GPC6: variants seen among roughly 807,000 people sequenced by gnomAD.
GPC6 encodes the protein glypican-6.
In GPC6, 14 loss-of-function variants were observed where a neutral mutation model predicts 55.2. The ratio of observed to expected loss-of-function variants is 0.25; its 90% CI spans 0.17 to 0.40. The LOEUF is 0.40. GPC6 is among the 10% of genes least tolerant of loss of function. The pLI is 1.00. For missense variants in GPC6, 641 were observed against 708.5 expected (o/e 0.90, Z 1.08); for synonymous variants, 278 against 259.6 (o/e 1.07, Z -0.68).
At chr13:93,784,560 G>A (rs1050032713) in intron 2 of GPC6, among the ~76,000 whole-genome samples, 1 of 152,176 alleles carries the variant, frequency 6.6e-6, no homozygotes, top group Non-Finnish European at 1.5e-5. Context: ...CTCAGATGCA[G>A]AAGTACATTT....
At chr13:94,255,427 A>G (rs770611470) in intron 4 of GPC6, among the ~76,000 whole-genome samples, 10 of 152,176 alleles carry the variant, frequency 6.6e-5, no homozygotes, top group Non-Finnish European at 1.3e-4. Context: ...TCAAAATTTT[A>G]CCACTATAGA....
At chr13:93,389,174 A>G (rs1432972936) in intron 1 of GPC6, among the ~76,000 whole-genome samples, 1 of 152,086 alleles carries the variant, frequency 6.6e-6, no homozygotes, top group Admixed American at 6.6e-5. Context: ...TAGAAATACT[A>G]ATTACTGCTA....
intron 1 of GPC6, among the ~76,000 whole-genome samples, chr13:93,460,860 T>G (rs1594185875): frequency 6.6e-6 from 1 of 152,186 alleles, no homozygotes; most frequent in Non-Finnish European, 1.5e-5. Flanking sequence ...AGTAACAAGG[T>G]TTTAAAAATA....
chr13:94,246,108 A>T (rs1165111993), intron 4 of GPC6, among the ~76,000 whole-genome samples: 1 of 151,962 alleles, frequency 6.6e-6, no homozygotes, highest in Non-Finnish European at 1.5e-5. Context: ...TTTCCTGATG[A>T]TTAGGGATCT....
intron 4 of GPC6, among the ~76,000 whole-genome samples, chr13:94,176,768 A>G (rs1168192627): frequency 1.3e-5 from 2 of 152,216 alleles, no homozygotes; most frequent in Non-Finnish European, 2.9e-5. Context: ...CAAAAAAGAA[A>G]TAAATGTTTC....
At chr13:93,594,937 C>T (rs1444356541) in intron 2 of GPC6, among the ~76,000 whole-genome samples, 4 of 151,924 alleles carry the variant, frequency 2.6e-5, no homozygotes, top group Admixed American at 6.6e-5. Flanking sequence ...AATACCATCA[C>T]ATTGGTGATT....
chr13:93,788,708 T>C (rs1247191408), intron 2 of GPC6, among the ~76,000 whole-genome samples: 2 of 152,070 alleles, frequency 1.3e-5, no homozygotes, highest in Non-Finnish European at 2.9e-5. Context: ...ACAGAGAGGC[T>C]GAGGGCATGG....
intron 4 of GPC6, among the ~76,000 whole-genome samples, chr13:94,231,924 A>AAAAAAG (rs1384199308): frequency 6.6e-6 from 1 of 152,184 alleles, no homozygotes; most frequent in Non-Finnish European, 1.5e-5. Flanking sequence ...TATTCTGATC[A>AAAAAAG]AAAAAGAAAA....
chr13:94,051,716 C>T (rs981819669), intron 4 of GPC6, among the ~76,000 whole-genome samples: 1 of 152,012 alleles, frequency 6.6e-6, no homozygotes, highest in South Asian at 2.1e-4. Context: ...AAAAGGATAA[C>T]AATCTTGCAC....
chr13:93,496,622 A>G (rs1880301166), intron 1 of GPC6, among the ~76,000 whole-genome samples: 1 of 152,218 alleles, frequency 6.6e-6, no homozygotes. Flanking sequence ...TGCTTTATAG[A>G]GACAGACAAC....
intron 4 of GPC6, among the ~76,000 whole-genome samples, chr13:94,090,034 C>T (rs1885424805): frequency 6.6e-6 from 1 of 151,508 alleles, no homozygotes; most frequent in African/African-American, 2.4e-5. Context: ...TGTGTTAGTC[C>T]ATTTTCATAC....
intron 3 of GPC6, among the ~76,000 whole-genome samples, chr13:93,959,971 T>G (rs918233114): frequency 6.6e-6 from 1 of 152,200 alleles, no homozygotes; most frequent in African/African-American, 2.4e-5. Context: ...AGTTGTTGCC[T>G]TTCTTATTTT....
intron 3 of GPC6, among the ~76,000 whole-genome samples, chr13:93,958,613 C>T (rs1236572654): frequency 6.6e-6 from 1 of 152,038 alleles, no homozygotes. Flanking sequence ...TAGTATAGTT[C>T]AAAGTTGAAT....
intron 1 of GPC6, among the ~76,000 whole-genome samples, chr13:93,276,493 A>AGT (rs775217548): frequency 8.0e-3 from 742 of 92,896 alleles, no homozygotes; most frequent in East Asian, 0.027. Flanking sequence ...AGAGAGAGAG[A>AGT]GAGTGTGTGT....
intron 6 of GPC6, among the ~76,000 whole-genome samples, chr13:94,360,603 T>C (rs1296557773): frequency 1.3e-5 from 2 of 151,990 alleles, no homozygotes; most frequent in Non-Finnish European, 2.9e-5. Context: ...AATTAGGAAA[T>C]TGTTTGTAGG....
At chr13:94,213,501 G>T (rs1043007712) in intron 4 of GPC6, among the ~76,000 whole-genome samples, 3 of 152,188 alleles carry the variant, frequency 2.0e-5, no homozygotes, top group Non-Finnish European at 4.4e-5. Flanking sequence ...CAGCTTTTGG[G>T]GCTTAAATCA....
At chr13:93,787,358 A>G (rs1885845548) in intron 2 of GPC6, among the ~76,000 whole-genome samples, 1 of 152,212 alleles carries the variant, frequency 6.6e-6, no homozygotes, top group Non-Finnish European at 1.5e-5. Flanking sequence ...AAAGCATGAA[A>G]GCAGCCACAG....
At chr13:94,202,831 G>A (rs58040612) in intron 4 of GPC6, among the ~76,000 whole-genome samples, 28,198 of 151,990 alleles carry the variant, frequency 0.19, 3,438 homozygotes, top group African/African-American at 0.31. Flanking sequence ...GAGTAGGTGA[G>A]GAGGAGCCTG....
intron 4 of GPC6, among the ~76,000 whole-genome samples, chr13:94,113,120 CAAAT>C (rs1886309954): frequency 6.6e-6 from 1 of 152,108 alleles, no homozygotes; most frequent in African/African-American, 2.4e-5. Flanking sequence ...TTGGCAATCT[CAAAT>C]AAAGTTCAAA....
Sources: gnomAD v4.1 joint callset for allele counts (sites outside exome capture counted in the v4.1 genomes callset) on GRCh38, gnomAD v4.1.1 for gene constraint, MANE v1.5 for transcripts, NCBI Gene and HGNC (gene_info 2026-07-23, HGNC 2026-07-21) for gene names.